The following ADCY5 variants were observed in gnomAD, a reference collection of about 807,000 sequenced individuals.
The protein encoded by ADCY5 is adenylate cyclase type 5.
A neutral mutation model predicts 119.7 loss-of-function variants in ADCY5; 30 were observed. The ratio of observed to expected loss-of-function variants is 0.25; its 90% confidence interval spans 0.19 to 0.34. The LOEUF is 0.34. ADCY5 is among the 10% of genes least tolerant of loss of function. The pLI is 1.00. For synonymous variants in ADCY5, 753 were observed against 762.2 expected (o/e 0.99, Z 0.20); for missense variants, 1,324 against 1,775.2 (o/e 0.75, Z 4.57).
At chr3:123,324,297 G>A (rs143127177) in intron 8 of ADCY5, among the ~76,000 whole-genome samples, 102 of 152,134 alleles carry the variant, frequency 6.7e-4, no homozygotes, top group Middle Eastern at 3.4e-3. Context: ...CAGGGAGTCC[G>A]TCTCTGATCC....
chr3:123,392,491 G>A (rs1053795342), intron 1 of ADCY5, among the ~76,000 whole-genome samples: 5 of 152,132 alleles, frequency 3.3e-5, no homozygotes, highest in Admixed American at 6.5e-5. Context: ...ATCATAAACC[G>A]CAGACTTAGA....
chr3:123,447,405 C>T lies in ADCY5; in HGVS notation c.1134+7G>A, dbSNP rs1559882426. On this transcript the variant is annotated splice_region_variant and intron_variant, in intron 1 of 20. Transcript: ENST00000462833. Reference sequence around the variant, plus strand: ...AATCCAGTCCCGGTGGCCAGGTCGGCCCCTACCTGCTTCAGCAGGAACTGG... The same window carrying T: ...AATCCAGTCCCGGTGGCCAGGTCGGTCCCTACCTGCTTCAGCAGGAACTGG... The T allele has an allele frequency of 1.9e-6, 3 of 1,555,722 alleles. No homozygotes were observed. Among genetic ancestry groups the T allele is most frequent in the South Asian group, 1.2e-5 (1 of 81,476 alleles).
chr3:123,432,816 T>C (rs966456797), intron 1 of ADCY5, among the ~76,000 whole-genome samples: 7 of 152,200 alleles, frequency 4.6e-5, no homozygotes, highest in Non-Finnish European at 7.3e-5. Context: ...TGTGAGCCAC[T>C]GTACCCAGCT....
At chr3:123,323,038 G>A (rs1426997441) in intron 8 of ADCY5, among the ~76,000 whole-genome samples, 5 of 152,160 alleles carry the variant, frequency 3.3e-5, no homozygotes, top group East Asian at 1.9e-4. Context: ...TGGCCCTCGC[G>A]GCACTGAGGA....
intron 4 of ADCY5, 94 bp from the exon 5 acceptor site, chr3:123,331,110 G>T (rs1941743166): frequency 5.0e-6 from 7 of 1,407,704 alleles, no homozygotes; most frequent in African/African-American, 2.9e-5. Flanking sequence ...CCCGTGCCTG[G>T]AATAACTTGC....
chr3:123,317,384 G>C (rs1940969207), intron 11 of ADCY5, among the ~76,000 whole-genome samples: 1 of 151,538 alleles, frequency 6.6e-6, no homozygotes, highest in Admixed American at 6.6e-5. Flanking sequence ...AATACTTTGG[G>C]TGACTCAATT....
chr3:123,359,328 T>TAAAA (rs951844993), intron 1 of ADCY5, among the ~76,000 whole-genome samples: 3 of 25,720 alleles, frequency 1.2e-4, no homozygotes, highest in African/African-American at 4.4e-4. Context: ...CTACTTATAC[T>TAAAA]AAAATATATA....
At position 123,352,085 on chromosome 3, in the gene ADCY5, C is replaced by A. The variant is rs1039236365; in HGVS notation, c.1284+347G>T. On this transcript the variant is annotated intron_variant, in intron 2 of 20. Coordinates refer to ENST00000462833, the MANE Select transcript of ADCY5 (RefSeq NM_183357.3). The surrounding 1 kb of genome is among the most constrained non-coding windows in gnomAD (Gnocchi z 4.8). ...CTTCTCTCCTTACTCCAACTCAAGG[C>A]GGGGTGCAGTGCGGGGAGGGAGTGG... is the stretch of plus-strand genomic sequence containing the variant. Among the ~76,000 whole-genome samples the A allele has an allele frequency of 6.6e-6, 1 of 152,028 alleles. No individual in the cohort carries two copies. Among genetic ancestry groups the A allele is most frequent in the Non-Finnish European group, 1.5e-5 (1 of 67,998 alleles).
At chr3:123,412,546 C>T (rs542044278) in intron 1 of ADCY5, among the ~76,000 whole-genome samples, 3 of 152,202 alleles carry the variant, frequency 2.0e-5, no homozygotes, top group South Asian at 2.1e-4. Flanking sequence ...CTCTGTGTTG[C>T]GGTGGCAGAT....
chr3:123,289,678 G>T, intron 19 of ADCY5, 72 bp downstream of exon 19: 1 of 1,547,572 alleles, frequency 6.5e-7, no homozygotes, highest in Non-Finnish European at 8.9e-7. Context: ...GCGGTATGGG[G>T]TATGGGGGAG....
chr3:123,330,287 C>T (rs972772961), intron 5 of ADCY5, among the ~76,000 whole-genome samples: 1 of 152,250 alleles, frequency 6.6e-6, no homozygotes, highest in Non-Finnish European at 1.5e-5. Context: ...CTCTGACTTG[C>T]TCCCTTGGCT....
At chr3:123,374,141 A>AG (rs1943742427) in intron 1 of ADCY5, among the ~76,000 whole-genome samples, 1 of 151,992 alleles carries the variant, frequency 6.6e-6, no homozygotes, top group Admixed American at 6.6e-5. Flanking sequence ...GGCATCAGGG[A>AG]GGGGGTAAGG....
rs867728188 is a variant in ADCY5, at chr3:123,339,913, A to C, written c.1407-7238T>G. On this transcript the variant is annotated intron_variant, in intron 3 of 20. Transcript: ENST00000462833. ...GCAATAGTTAGTGACCTCAGGGGGG[A>C]GTCTATGAGTGCTTTTTCTTCTCCA... Among the ~76,000 whole-genome samples, 3 of 152,208 alleles carry C rather than the reference A, an allele frequency of 2.0e-5. No homozygotes were observed. The South Asian group carries it at 6.2e-4, about 31-fold the overall frequency.
In ADCY5 at chr3:123,304,166, C is replaced by T. The variant is rs145554168; in HGVS notation, c.2460G>A (p.Leu820=). The part of the protein sequence containing the change: ...YSCVKLFPSP[L]QTLSRKIVRS... Reference sequence around the variant, plus strand: ...GCACGATCTTCCTGGAGAGGGTCTGCAGTGGGGAGGGGAAGAGCTAGGGTG... The same window carrying T: ...GCACGATCTTCCTGGAGAGGGTCTGTAGTGGGGAGGGGAAGAGCTAGGGTG... The change falls in exon 13 of 21, where the codon CTG becomes CTA. Residue 820 remains leucine, a synonymous_variant. Coordinates refer to ENST00000462833, the MANE Select transcript of ADCY5 (RefSeq NM_183357.3). 84 of 1,521,938 alleles carry T rather than the reference C, an allele frequency of 5.5e-5. No individual in the cohort carries two copies. The highest frequency in any genetic ancestry group is 6.8e-5 in the Non-Finnish European group (76 of 1,124,714). The allele number at this position is 1,521,938 out of a possible 1,614,324, so 94.3% of individuals were successfully genotyped here.
chr3:123,286,998 A>G lies in ADCY5; in HGVS notation c.3533-189T>C. The G allele has an allele frequency of 1.4e-6, 1 of 734,520 alleles. No individual in the cohort carries two copies. Among genetic ancestry groups the G allele is most frequent in the East Asian group, 3.0e-5 (1 of 33,076 alleles). 45.5% of individuals were successfully genotyped at this position (734,520 alleles called of 1,614,324 possible). On this transcript the variant is annotated intron_variant, in intron 19 of 20. Coordinates refer to ENST00000462833, the MANE Select transcript of ADCY5 (RefSeq NM_183357.3). The surrounding 1 kb of genome is among the most constrained non-coding windows in gnomAD (Gnocchi z 4.2). Reference sequence around the variant, plus strand: ...CCTGTCAAATGCCTGTGAATGCAAGACACAAGGAGCCTGCACCTGTGTCCT... The same window carrying G: ...CCTGTCAAATGCCTGTGAATGCAAGGCACAAGGAGCCTGCACCTGTGTCCT...
Position 123,346,641 on chromosome 3 carries a change from C to CTG in ADCY5, c.1406+1139_1406+1140dup, listed in dbSNP as rs1553731679. On this transcript the variant is annotated intron_variant, in intron 3 of 20. Transcript: ENST00000462833. ...TCTCTCTCTCTCTCTCTCTCTCTCT[C>CTG]TGTGTGTATGTGTGTGTGTGTGTGA... Among the ~76,000 whole-genome samples the CTG allele has an allele frequency of 5.7e-3, 829 of 146,612 alleles. 15 individuals carry two copies. Among genetic ancestry groups the CTG allele is most frequent in the African/African-American group, 0.02 (779 of 39,798 alleles).
chr3:123,398,950 C>G (rs958251323), intron 1 of ADCY5, among the ~76,000 whole-genome samples: 1 of 152,190 alleles, frequency 6.6e-6, no homozygotes, highest in Non-Finnish European at 1.5e-5. Flanking sequence ...CATTAGGCCT[C>G]GAGAATCCCC....
chr3:123,291,153 C>T lies in ADCY5; in HGVS notation c.3287G>A (p.Cys1096Tyr). The T allele has an allele frequency of 2.5e-6, 4 of 1,614,044 alleles. No individual in the cohort carries two copies. The highest frequency in any genetic ancestry group is 3.4e-6 in the Non-Finnish European group (4 of 1,180,022). Residue 1096 changes from cysteine to tyrosine, a missense_variant, in exon 18 of 21, where the codon TGC becomes TAC. By Grantham distance (194) the Cys-to-Tyr change is radical (BLOSUM62 -2). This residue lies in a region of ADCY5 where 178 missense variants were observed against 329.6 expected (regional missense o/e 0.54). Coordinates refer to ENST00000462833, the MANE Select transcript of ADCY5 (RefSeq NM_183357.3). ...ELEANNEGVE[C>Y]LRLLNEIIAD... ...GATGATCTCATTGAGTAGCCGCAGG[C>T]ACTCGACACCCTCGTTGTTGGCCTC...
At chr3:123,308,812 G>A (rs1940375475) in intron 12 of ADCY5, among the ~76,000 whole-genome samples, 1 of 145,512 alleles carries the variant, frequency 6.9e-6, no homozygotes, top group African/African-American at 2.6e-5. Context: ...CTGGGCAACA[G>A]AGCGAGACTC....
Sources: gnomAD v4.1 joint callset for allele counts (sites outside exome capture counted in the v4.1 genomes callset) on GRCh38, gnomAD v4.1.1 for gene constraint, gnomAD v4.1.1 regional missense constraint, Gnocchi (gnomAD v3.1) non-coding constraint, MANE v1.5 for transcripts, NCBI Gene and HGNC (gene_info 2026-07-23, HGNC 2026-07-21) for gene names.